PGM2L1: variants seen among roughly 807,000 people sequenced by gnomAD.
PGM2L1 encodes glucose 1,6-bisphosphate synthase.
Under a neutral mutation model 73.4 loss-of-function variants are expected in PGM2L1, and 35 were observed. The ratio of observed to expected loss-of-function variants is 0.48; its 90% CI spans 0.36 to 0.63. PGM2L1 has a LOEUF of 0.63. Among genes scored for constraint, PGM2L1 ranks in the 30% least tolerant of loss-of-function variants. PGM2L1 has a pLI of 0.00. For synonymous variants in PGM2L1, 225 were observed against 253.8 expected, an observed-to-expected ratio of 0.89 and a Z score of 1.08; for missense variants, 570 against 742.0, an observed-to-expected ratio of 0.77 and a Z score of 2.69.
chr11:74,354,779 A>G, intron 5 of PGM2L1: 1 of 1,038,164 alleles, frequency 9.6e-7, no homozygotes, highest in Non-Finnish European at 1.5e-6. Context: ...GGTAGCATTA[A>G]AGAAGACCCT....
At chr11:74,379,356 C>T (rs184780004) in intron 1 of PGM2L1, among the ~76,000 whole-genome samples, 55 of 152,228 alleles carry the variant, frequency 3.6e-4, no homozygotes, top group Non-Finnish European at 5.6e-4. Flanking sequence ...ATGACCCAAA[C>T]GCCTCCCACC....
chr11:74,355,330 G>A, intron 5 of PGM2L1: 2 of 727,762 alleles, frequency 2.7e-6, no homozygotes, highest in Non-Finnish European at 2.5e-6. Flanking sequence ...GAGGTGGGTG[G>A]ATCACCTGAG....
chr11:74,369,465 T>C (rs1290870978), intron 4 of PGM2L1, among the ~76,000 whole-genome samples: 1 of 151,112 alleles, frequency 6.6e-6, no homozygotes, highest in Non-Finnish European at 1.5e-5. Context: ...CAGGGAAGTG[T>C]AGTGAAGGGG....
chr11:74,338,543 A>G lies in PGM2L1; in HGVS notation c.1691T>C (p.Val564Ala), dbSNP rs1327805133. The change falls in exon 13 of 14, where the codon GTT (valine) becomes GCT (alanine). Residue 564 changes from valine to alanine, a missense_variant. Val to Ala is a moderately conservative substitution (Grantham distance 64). Transcript: ENST00000298198. ...MITFTFQNGC[V>A]ATLRTSGTEP... ...TGTTCCACTTGTCCGAAGGGTAGCA[A>G]CACAGCCATTTTGAAAAGTAAATGT... The G allele has an allele frequency of 6.2e-7, 1 of 1,607,056 alleles. No individual in the cohort carries two copies. Among genetic ancestry groups the G allele is most frequent in the East Asian group, 2.2e-5 (1 of 44,852 alleles).
At chr11:74,389,305 G>C (rs898708960) in intron 1 of PGM2L1, among the ~76,000 whole-genome samples, 2 of 152,082 alleles carry the variant, frequency 1.3e-5, no homozygotes, top group African/African-American at 4.8e-5. Context: ...AATATAATAA[G>C]ATGTATATTC....
In PGM2L1 at chr11:74,349,784, C is replaced by T. The variant is rs559546394; in HGVS notation, c.749+1599G>A. On this transcript the variant is annotated intron_variant, in intron 6 of 13. Coordinates refer to ENST00000298198, the MANE Select transcript of PGM2L1 (RefSeq NM_173582.6). ...TTCTCTTAAACTAAAATCTTAGATC[C>T]TAGTGACATTAACATAATTACCCAT... Among the ~76,000 whole-genome samples, 22 of 151,870 alleles carry T rather than the reference C, an allele frequency of 1.4e-4. 1 individual carries two copies. In the South Asian group the frequency reaches 2.5e-3, roughly 17 times the overall value.
intron 5 of PGM2L1, among the ~76,000 whole-genome samples, chr11:74,359,056 A>T (rs113380692): frequency 0.022 from 3,356 of 152,322 alleles, 122 homozygotes; most frequent in African/African-American, 0.077. Context: ...AATTAATTTT[A>T]TGAATAAAGC....
At position 74,338,419 on chromosome 11, in the gene PGM2L1, T is replaced by A. The variant is rs779059352; in HGVS notation, c.1766+49A>T. The A allele has an allele frequency of 1.5e-5, 22 of 1,450,272 alleles. No individual in the cohort carries two copies. The Admixed American group carries it at 2.1e-4, about 14-fold the overall frequency. The allele number at this position is 1,450,272 out of a possible 1,614,324, so 89.8% of individuals were successfully genotyped here. The stretch of plus-strand genomic sequence containing the variant: ...CGTGAGCTGTATGGTATGTGAATTA[T>A]ATTTCAATAAAGCTTTTGTATGTAT... On this transcript the variant is annotated intron_variant, in intron 13 of 13. Coordinates refer to ENST00000298198, the MANE Select transcript of PGM2L1 (RefSeq NM_173582.6).
At chr11:74,347,518 A>C (rs1383662015) in intron 6 of PGM2L1, among the ~76,000 whole-genome samples, 181 bp from the exon 7 acceptor site, 1 of 152,226 alleles carries the variant, frequency 6.6e-6, no homozygotes, top group African/African-American at 2.4e-5. Context: ...GTTTTAATTC[A>C]ACAGCATTCT....
intron 1 of PGM2L1, among the ~76,000 whole-genome samples, chr11:74,392,832 G>A (rs566464597): frequency 1.1e-4 from 17 of 152,304 alleles, no homozygotes; most frequent in South Asian, 4.2e-4. Flanking sequence ...GAGCCACTGC[G>A]CCCGGCCAGC....
chr11:74,393,563 G>C (rs1363159876), intron 1 of PGM2L1, among the ~76,000 whole-genome samples: 2 of 152,226 alleles, frequency 1.3e-5, no homozygotes, highest in African/African-American at 4.8e-5. Flanking sequence ...CACTGGCTTA[G>C]ATTGAAGTAT....
intron 5 of PGM2L1, chr11:74,355,318 C>T: frequency 1.3e-6 from 1 of 774,406 alleles, no homozygotes; most frequent in Non-Finnish European, 2.3e-6. Flanking sequence ...CTTTGGGAGG[C>T]TGAGGTGGGT....
chr11:74,332,192 C>T lies in PGM2L1; in HGVS notation c.*4460G>A, dbSNP rs1204986421. On this transcript the variant is annotated 3_prime_UTR_variant, in exon 14 of 14. Transcript: ENST00000298198. ...GATTTCCTTAGATCTTGTGCTTTGGCTCCCCAAGTACAAGGAAACCTGAAA... is the reference window on the plus strand; with the variant it reads ...GATTTCCTTAGATCTTGTGCTTTGGTTCCCCAAGTACAAGGAAACCTGAAA... The T allele has an allele frequency of 6.6e-6, 1 of 152,158 alleles. No homozygotes were observed. Among genetic ancestry groups the T allele is most frequent in the African/African-American group, 2.4e-5 (1 of 41,420 alleles). The allele number at this position is 152,158 out of a possible 1,614,324, so 9.4% of individuals were successfully genotyped here.
chr11:74,347,116 A>G (rs1862278306), intron 7 of PGM2L1, 32 bp downstream of exon 7: 3 of 1,422,376 alleles, frequency 2.1e-6, no homozygotes. Context: ...GGTTTAATAA[A>G]CTAATAATAA....
chr11:74,371,753 T>C lies in PGM2L1; in HGVS notation c.344A>G (p.Tyr115Cys). 1.2e-6 allele frequency: 2 copies of C among 1,613,992 alleles called. No homozygotes were observed. The highest frequency in any genetic ancestry group is 1.1e-5 in the South Asian group (1 of 91,080). ...DFKQRGFVVG[Y>C]DTRGQVTSSC... ...GCTAGTTACTTGACCCCGAGTGTCA[T>C]ACCCAACCACAAAGCCTCTCTGCTT... is the stretch of plus-strand genomic sequence containing the variant. Residue 115 changes from tyrosine to cysteine, a missense_variant, in exon 3 of 14, where the codon TAT becomes TGT. Transcript: ENST00000298198.
intron 1 of PGM2L1, among the ~76,000 whole-genome samples, chr11:74,395,553 T>C (rs1192682945): frequency 3.7e-4 from 5 of 13,594 alleles, no homozygotes; most frequent in African/African-American, 1.0e-3. Flanking sequence ...GCCTGGCTTT[T>C]TTTTTTTTTT....
chr11:74,339,694 C>G lies in PGM2L1; in HGVS notation c.1633-1093G>C, dbSNP rs145793348. 1.9e-3 allele frequency among the ~76,000 whole-genome samples: 283 copies of G among 152,292 alleles called. 8 individuals carry two copies. The East Asian group carries it at 0.044, about 24-fold the overall frequency. ...ACAGTGTACTAACTGATCTTCCTGC[C>G]TGGAAGTTTGCCCCTCAAAACCCAC... On this transcript the variant is annotated intron_variant, in intron 12 of 13. Coordinates refer to ENST00000298198, the MANE Select transcript of PGM2L1 (RefSeq NM_173582.6).
At chr11:74,358,548 T>C (rs947192515) in intron 5 of PGM2L1, among the ~76,000 whole-genome samples, 1 of 152,184 alleles carries the variant, frequency 6.6e-6, no homozygotes, top group Non-Finnish European at 1.5e-5. Flanking sequence ...ATGACCACCT[T>C]GAATAGGGAA....
At chr11:74,356,915 C>A (rs1862466626) in intron 5 of PGM2L1, among the ~76,000 whole-genome samples, 2 of 152,076 alleles carry the variant, frequency 1.3e-5, no homozygotes, top group South Asian at 4.2e-4. Flanking sequence ...CTCACTGCAA[C>A]CTCCGCCTCC....
Sources: allele counts gnomAD v4.1 joint callset (sites outside exome capture counted in the v4.1 genomes callset), GRCh38; gene constraint gnomAD v4.1.1; transcripts MANE v1.5; gene names NCBI Gene and HGNC (gene_info 2026-07-23, HGNC 2026-07-21).